PTPN4: variants seen among roughly 807,000 people sequenced by gnomAD.
The protein encoded by PTPN4 is tyrosine-protein phosphatase non-receptor type 4.
Under a neutral mutation model 135.5 loss-of-function variants are expected in PTPN4, and 49 were observed. The observed-to-expected ratio is 0.36, with a 90% CI of 0.29 to 0.46. The LOEUF (loss-of-function observed/expected upper bound fraction) is 0.46, where lower values mean the gene tolerates loss of function less well. PTPN4 is among the 20% of genes least tolerant of loss of function. The pLI is 1.00. For synonymous variants in PTPN4, 333 were observed against 369.9 expected, an observed-to-expected ratio of 0.90 and a Z score of 1.14; for missense variants, 860 against 1,101.0, an observed-to-expected ratio of 0.78 and a Z score of 3.10.
intron 19 of PTPN4, among the ~76,000 whole-genome samples, chr2:119,953,651 AAAG>A (rs1679239447): frequency 6.6e-6 from 1 of 152,190 alleles, no homozygotes; most frequent in South Asian, 2.1e-4. Context: ...AATAGATCCT[AAAG>A]AACTCAATAA....
At position 119,962,685 on chromosome 2, in the gene PTPN4, C is replaced by G; in HGVS notation, c.2350C>G (p.His784Asp). ...TTATGGATGCTACCAAGTTACCTGCCACTCTGAAGAAGGAAACACTGCCTA... is the reference window on the plus strand; with the variant it reads ...TTATGGATGCTACCAAGTTACCTGCGACTCTGAAGAAGGAAACACTGCCTA... ...SSYGCYQVTC[H>D]SEEGNTAYIF... The change falls in exon 24 of 27, where the codon CAC (histidine) becomes GAC (aspartate). Residue 784 changes from histidine to aspartate, a missense_variant. By Grantham distance (81) the His-to-Asp change is moderately conservative. Around this residue, in one of 2 missense-constraint regions of PTPN4, gnomAD observed 176 missense variants for 294.1 expected, o/e 0.60. Transcript: ENST00000263708. 12 of 1,589,152 alleles carry G rather than the reference C, an allele frequency of 7.6e-6. No homozygotes were observed. The highest frequency in any genetic ancestry group is 1.0e-5 in the Non-Finnish European group (12 of 1,161,972).
At chr2:119,770,058 A>G (rs1192343678) in intron 1 of PTPN4, among the ~76,000 whole-genome samples, 1 of 152,240 alleles carries the variant, frequency 6.6e-6, no homozygotes, top group Admixed American at 6.5e-5. Context: ...CCAAAATTGG[A>G]GGTGACTTTA....
chr2:119,965,740 C>A, intron 25 of PTPN4, 95 bp downstream of exon 25: 1 of 1,391,764 alleles, frequency 7.2e-7, no homozygotes, highest in Non-Finnish European at 9.8e-7. Flanking sequence ...GTTATTGTCA[C>A]TGTAATAATT....
chr2:119,984,292 G>A lies in PTPN4; in HGVS notation c.*7222G>A, dbSNP rs1433615204. On this transcript the variant is annotated 3_prime_UTR_variant, in exon 27 of 27. Transcript: ENST00000263708. Reference sequence around the variant, plus strand: ...TCTATGTGGAGGGTGTTTTAATTTGGGATTTTTTTTTTCTTGTAACAGGTG... The same window carrying A: ...TCTATGTGGAGGGTGTTTTAATTTGAGATTTTTTTTTTCTTGTAACAGGTG... Among the ~76,000 whole-genome samples, 1 of 151,882 alleles carries A rather than the reference G, an allele frequency of 6.6e-6. No homozygotes were observed. The highest frequency in any genetic ancestry group is 2.4e-5 in the African/African-American group (1 of 41,376).
At chr2:119,856,829 C>A (rs1677688174) in intron 2 of PTPN4, among the ~76,000 whole-genome samples, 1 of 152,104 alleles carries the variant, frequency 6.6e-6, no homozygotes, top group Non-Finnish European at 1.5e-5. Context: ...CAATATTGTA[C>A]CCTGAGGGTG....
chr2:119,945,461 G>C (rs1423766859), intron 16 of PTPN4, among the ~76,000 whole-genome samples: 1 of 152,204 alleles, frequency 6.6e-6, no homozygotes, highest in Admixed American at 6.5e-5. Context: ...TAAATAAGCT[G>C]TGGGGTTAAG....
intron 2 of PTPN4, among the ~76,000 whole-genome samples, chr2:119,827,094 G>C (rs1473697987): frequency 6.6e-6 from 1 of 152,158 alleles, no homozygotes; most frequent in East Asian, 1.9e-4. Flanking sequence ...AGAAAGTTGA[G>C]TCAAGTGATT....
chr2:119,833,366 G>A (rs1021430591), intron 2 of PTPN4, among the ~76,000 whole-genome samples: 19 of 151,956 alleles, frequency 1.3e-4, no homozygotes, highest in African/African-American at 4.3e-4. Context: ...TGGTCTCTTG[G>A]TGTATCTGCA....
intron 13 of PTPN4, among the ~76,000 whole-genome samples, chr2:119,932,006 A>G (rs1399063794): frequency 2.0e-5 from 3 of 152,174 alleles, no homozygotes; most frequent in African/African-American, 7.2e-5. Context: ...AGAAGCATTC[A>G]GGAGATAATG....
At chr2:119,934,778 G>A (rs1286636458) in intron 14 of PTPN4, 22 bp from the exon 15 acceptor site, 23 of 1,609,868 alleles carry the variant, frequency 1.4e-5, no homozygotes, top group Non-Finnish European at 2.0e-5. Context: ...TTTTTATTCA[G>A]TTTTTCTCCC....
intron 26 of PTPN4, among the ~76,000 whole-genome samples, chr2:119,971,208 G>A (rs1181489332): frequency 6.6e-6 from 1 of 152,174 alleles, no homozygotes; most frequent in African/African-American, 2.4e-5. Flanking sequence ...GAAGCAAGCA[G>A]GTCTTCACAT....
At chr2:119,850,267 GC>G (rs1338545075) in intron 2 of PTPN4, among the ~76,000 whole-genome samples, 1 of 152,216 alleles carries the variant, frequency 6.6e-6, no homozygotes, top group Non-Finnish European at 1.5e-5. Context: ...TGAAACTCCT[GC>G]CTTACAAGCA....
At chr2:119,873,845 G>A (rs923827623) in intron 3 of PTPN4, among the ~76,000 whole-genome samples, 7 of 152,144 alleles carry the variant, frequency 4.6e-5, no homozygotes, top group Non-Finnish European at 1.0e-4. Flanking sequence ...CTAAATATAG[G>A]TAGTGATATA....
At chr2:119,930,860 T>C (rs1284544117) in intron 13 of PTPN4, among the ~76,000 whole-genome samples, 1 of 151,574 alleles carries the variant, frequency 6.6e-6, no homozygotes, top group Non-Finnish European at 1.5e-5. Flanking sequence ...CAGAAGTGTA[T>C]ACATAGTACA....
At chr2:119,913,122 G>A (rs1005573323) in intron 10 of PTPN4, among the ~76,000 whole-genome samples, 1 of 152,052 alleles carries the variant, frequency 6.6e-6, no homozygotes, top group African/African-American at 2.4e-5. Context: ...TTGATAACCA[G>A]TTCACCAGTT....
chr2:119,965,824 A>G (rs975575332), intron 25 of PTPN4, among the ~76,000 whole-genome samples, 179 bp downstream of exon 25: 6 of 152,236 alleles, frequency 3.9e-5, no homozygotes, highest in African/African-American at 1.4e-4. Context: ...TAACTTTATC[A>G]TAAGATATAA....
chr2:119,807,254 G>T (rs531597515), intron 1 of PTPN4, among the ~76,000 whole-genome samples: 1 of 151,654 alleles, frequency 6.6e-6, no homozygotes, highest in Non-Finnish European at 1.5e-5. Context: ...AGATAGAGAC[G>T]CAAAAAACCC....
Position 119,816,582 on chromosome 2 carries a change from T to C in PTPN4, c.138+6591T>C, listed in dbSNP as rs137897800. ...TCTGTTATTACTGCATTGTAACATA[T>C]CATGAAATAATTATACAGCTCACCA... On this transcript the variant is annotated intron_variant, in intron 2 of 26. Coordinates refer to ENST00000263708, the MANE Select transcript of PTPN4 (RefSeq NM_002830.4). Among the ~76,000 whole-genome samples, 15 of 152,236 alleles carry C rather than the reference T, an allele frequency of 9.9e-5. No homozygotes were observed. The East Asian group carries it at 2.5e-3, about 25-fold the overall frequency.
At chr2:119,893,475 A>G (rs1388661070) in intron 9 of PTPN4, among the ~76,000 whole-genome samples, 1 of 152,234 alleles carries the variant, frequency 6.6e-6, no homozygotes, top group Non-Finnish European at 1.5e-5. Flanking sequence ...AGGCAATTCA[A>G]TTTATAGACC....
Sources: allele counts gnomAD v4.1 joint callset (sites outside exome capture counted in the v4.1 genomes callset), GRCh38; gene constraint gnomAD v4.1.1; regional missense constraint gnomAD v4.1.1; transcripts MANE v1.5; gene names NCBI Gene and HGNC (gene_info 2026-07-23, HGNC 2026-07-21).